Variants in FGF1 observed in about 807,000 individuals in gnomAD.
FGF1 encodes the protein fibroblast growth factor 1, also known as beta-endothelial cell growth factor.
FGF1 carries 9 observed loss-of-function variants against 13.4 expected under a neutral mutation model. That is an observed-to-expected ratio of 0.67 (90% CI 0.40 to 1.17). The LOEUF is 1.17. Among genes scored for constraint, FGF1 ranks in the 50% most tolerant of loss-of-function variants. The pLI is 0.01. For missense variants in FGF1, 156 were observed against 192.7 expected (o/e 0.81, Z 1.13); for synonymous variants, 93 against 79.0 (o/e 1.18, Z -0.94).
At chr5:142,639,761 G>A (rs1443510587) in intron 1 of FGF1, among the ~76,000 whole-genome samples, 1 of 151,976 alleles carries the variant, frequency 6.6e-6, no homozygotes, top group Non-Finnish European at 1.5e-5. Flanking sequence ...GCGAGGTGAT[G>A]GATATGTTAA....
upstream of FGF1, among the ~76,000 whole-genome samples, chr5:142,687,901 T>TC (rs561431691): frequency 2.6e-5 from 4 of 151,946 alleles, no homozygotes; most frequent in Non-Finnish European, 5.9e-5. Flanking sequence ...GGCTCCAGAT[T>TC]CCCCCCCTCC....
chr5:142,673,910 C>T (rs79046337), intron 1 of FGF1, among the ~76,000 whole-genome samples: 6,996 of 152,276 alleles, frequency 0.046, 239 homozygotes, highest in South Asian at 0.098. Context: ...GGCTCCAGGG[C>T]CCTGCATGAG....
At chr5:142,636,149 G>A (rs906813249) in intron 1 of FGF1, among the ~76,000 whole-genome samples, 4 of 152,186 alleles carry the variant, frequency 2.6e-5, no homozygotes, top group South Asian at 2.1e-4. Context: ...GCAGTGAGAC[G>A]GGAGGCACGG....
chr5:142,696,863 AGTCCATAG>A (rs2152075826), intron 2 of FGF1, among the ~76,000 whole-genome samples: 1 of 152,322 alleles, frequency 6.6e-6, no homozygotes, highest in East Asian at 1.9e-4. Flanking sequence ...GGGTATTTGT[AGTCCATAG>A]CCCAGGGGCA....
chr5:142,659,181 A>AT (rs151016104), intron 1 of FGF1, among the ~76,000 whole-genome samples: 6,088 of 147,482 alleles, frequency 0.041, 431 homozygotes, highest in African/African-American at 0.14. Context: ...AAAGATAATA[A>AT]TTTTTTTTGT....
At chr5:142,681,058 A>T (rs1011695665) in intron 1 of FGF1, among the ~76,000 whole-genome samples, 1 of 152,242 alleles carries the variant, frequency 6.6e-6, no homozygotes. Context: ...AGTCATGTCC[A>T]TGAGTAATAC....
chr5:142,622,896 C>G (rs1761882866), intron 1 of FGF1, among the ~76,000 whole-genome samples: 1 of 152,220 alleles, frequency 6.6e-6, no homozygotes, highest in Non-Finnish European at 1.5e-5. Flanking sequence ...GAGCTGAAAT[C>G]TCATCTTCCG....
At chr5:142,691,530 A>G (rs553086389) in intron 2 of FGF1, among the ~76,000 whole-genome samples, 2 of 152,350 alleles carry the variant, frequency 1.3e-5, no homozygotes, top group South Asian at 4.1e-4. Context: ...CATACACTGG[A>G]ATACAAATTC....
chr5:142,619,095 C>T (rs887272371), intron 1 of FGF1, among the ~76,000 whole-genome samples: 18 of 151,716 alleles, frequency 1.2e-4, no homozygotes, highest in African/African-American at 2.7e-4. Flanking sequence ...CCACCGCGCC[C>T]GGCTAATTTT....
intron 2 of FGF1, among the ~76,000 whole-genome samples, chr5:142,608,464 C>T (rs867927212): frequency 6.9e-6 from 1 of 144,686 alleles, no homozygotes; most frequent in African/African-American, 2.5e-5. Context: ...GGGGAAAAAT[C>T]GAATTTGGGG....
chr5:142,638,056 G>A (rs989761801), intron 1 of FGF1, among the ~76,000 whole-genome samples: 2 of 152,000 alleles, frequency 1.3e-5, no homozygotes, highest in African/African-American at 4.8e-5. Flanking sequence ...AGCGAACAAA[G>A]CATGGCAGTG....
At position 142,668,590 on chromosome 5, in the gene FGF1, T is replaced by G. The variant is rs569942007; in HGVS notation, c.-35+17367A>C. 5.0e-4 allele frequency among the ~76,000 whole-genome samples: 76 copies of G among 152,270 alleles called. 1 individual carries two copies. The South Asian group carries it at 0.014, about 28-fold the overall frequency. Reference sequence around the variant, plus strand: ...GTTTTGAAGTGAAGCTTCCTGAACTTAAGTCCAGAAAGTCAATTCATCTCT... The same window carrying G: ...GTTTTGAAGTGAAGCTTCCTGAACTGAAGTCCAGAAAGTCAATTCATCTCT... On this transcript the variant is annotated intron_variant, in intron 1 of 3. Transcript: ENST00000337706.
At chr5:142,628,309 G>C (rs1160154665) in intron 1 of FGF1, among the ~76,000 whole-genome samples, 1 of 152,178 alleles carries the variant, frequency 6.6e-6, no homozygotes, top group Non-Finnish European at 1.5e-5. Context: ...GGGAGTTTGA[G>C]ACCAGCCTGA....
At chr5:142,628,245 T>C (rs1040407833) in intron 1 of FGF1, among the ~76,000 whole-genome samples, 2 of 152,154 alleles carry the variant, frequency 1.3e-5, no homozygotes, top group Admixed American at 1.3e-4. Flanking sequence ...GCGTGGTGGC[T>C]CACACCTGTA....
chr5:142,653,497 C>T (rs778565187), intron 1 of FGF1, among the ~76,000 whole-genome samples: 10 of 152,302 alleles, frequency 6.6e-5, no homozygotes, highest in Admixed American at 2.6e-4. Context: ...TTTGTGCATT[C>T]GCCATACCAG....
intron 1 of FGF1, among the ~76,000 whole-genome samples, chr5:142,670,288 C>G (rs1347518283): frequency 6.6e-6 from 1 of 152,162 alleles, no homozygotes; most frequent in African/African-American, 2.4e-5. Context: ...CTCCCTCTCC[C>G]CTGTTGCACA....
chr5:142,689,949 C>T (rs1452997922), upstream of FGF1, among the ~76,000 whole-genome samples: 1 of 150,064 alleles, frequency 6.7e-6, no homozygotes, highest in African/African-American at 2.4e-5. Flanking sequence ...GATCTGCCCA[C>T]CTCGGCCTCC....
upstream of FGF1, among the ~76,000 whole-genome samples, chr5:142,689,983 G>A (rs1387538888): frequency 2.0e-5 from 3 of 147,172 alleles, no homozygotes; most frequent in African/African-American, 4.9e-5. Context: ...TTACAGGCGT[G>A]AGCCACCGCG....
At chr5:142,645,950 C>G (rs1765975285) in intron 1 of FGF1, among the ~76,000 whole-genome samples, 1 of 152,142 alleles carries the variant, frequency 6.6e-6, no homozygotes, top group Admixed American at 6.5e-5. Context: ...GCTTTGTCGC[C>G]TAGGCTGAAG....
Sources: allele counts gnomAD v4.1 joint callset (sites outside exome capture counted in the v4.1 genomes callset), GRCh38; gene constraint gnomAD v4.1.1; transcripts MANE v1.5; gene names NCBI Gene and HGNC (gene_info 2026-07-23, HGNC 2026-07-21).